The following DLGAP2 variants were observed in gnomAD, a reference collection of about 807,000 sequenced individuals.
DLGAP2 encodes disks large-associated protein 2.
In DLGAP2, 26 loss-of-function variants were observed where a neutral mutation model predicts 100.3. The observed-to-expected ratio is 0.26, with a 90% CI of 0.19 to 0.36. DLGAP2 has a LOEUF of 0.36. Ranked by LOEUF, DLGAP2 falls within the 10% of genes least tolerant of loss-of-function variation. The probability of loss-of-function intolerance (pLI) is 1.00; values close to 1 mark genes in which losing one functional copy is unlikely to be tolerated. For missense variants in DLGAP2, 1,858 were observed against 1,453.2 expected, an observed-to-expected ratio of 1.28 and a Z score of -4.53; for synonymous variants, 886 against 630.1, an observed-to-expected ratio of 1.41 and a Z score of -6.08.
At chr8:1,305,294 C>T (rs912392537) in intron 3 of DLGAP2, among the ~76,000 whole-genome samples, 1 of 152,190 alleles carries the variant, frequency 6.6e-6, no homozygotes, top group Admixed American at 6.5e-5. Flanking sequence ...CCGCAGTTCT[C>T]TGTCTTCAGT....
chr8:1,584,402 C>A lies in DLGAP2; in HGVS notation c.1442+18508C>A, dbSNP rs149550414. ...CAGACTCCTCGTGCATGCCACACAC[C>A]TGCAACCTGCAGTTCTTCAGTTAAT... On this transcript the variant is annotated intron_variant, in intron 6 of 14. Coordinates refer to ENST00000637795, the MANE Select transcript of DLGAP2 (RefSeq NM_001346810.2). 2.5e-3 allele frequency among the ~76,000 whole-genome samples: 380 copies of A among 152,290 alleles called. 2 individuals carry two copies. Among genetic ancestry groups the A allele is most frequent in the South Asian group, 9.5e-3 (46 of 4,828 alleles).
intron 2 of DLGAP2, among the ~76,000 whole-genome samples, chr8:1,215,967 C>T (rs1470446882): frequency 2.0e-5 from 3 of 152,088 alleles, no homozygotes; most frequent in African/African-American, 7.2e-5. Flanking sequence ...CTGGAGACGT[C>T]CAGGTACCTC....
chr8:875,605 T>C (rs1797675340), intron 1 of DLGAP2, among the ~76,000 whole-genome samples: 1 of 152,332 alleles, frequency 6.6e-6, no homozygotes, highest in African/African-American at 2.4e-5. Flanking sequence ...GAACTGTGAG[T>C]CAATTAAACC....
intron 3 of DLGAP2, among the ~76,000 whole-genome samples, chr8:1,457,922 A>G (rs1320180623): frequency 1.4e-5 from 2 of 147,934 alleles, no homozygotes; most frequent in African/African-American, 5.0e-5. Flanking sequence ...TTAAACTATG[A>G]TGCAGGGAAA....
chr8:1,607,957 TG>T (rs1211158090), intron 6 of DLGAP2, among the ~76,000 whole-genome samples: 3 of 141,588 alleles, frequency 2.1e-5, no homozygotes, highest in African/African-American at 7.8e-5. Flanking sequence ...GCAGCGAGGC[TG>T]GGGGAGGGGC....
intron 1 of DLGAP2, among the ~76,000 whole-genome samples, chr8:748,726 C>T (rs965664745): frequency 6.6e-6 from 1 of 152,194 alleles, no homozygotes; most frequent in Admixed American, 6.5e-5. Context: ...CCCATCAGCA[C>T]CTGCCCGCTC....
At chr8:1,210,341 A>G (rs73540177) in intron 2 of DLGAP2, among the ~76,000 whole-genome samples, 5,558 of 131,372 alleles carry the variant, frequency 0.042, 349 homozygotes, top group African/African-American at 0.17. Flanking sequence ...CCAGGGCCAG[A>G]TGAAACCAGT....
At chr8:1,146,616 C>CGTGTGTGCATGCAT (rs909096157) in intron 2 of DLGAP2, among the ~76,000 whole-genome samples, 1 of 151,824 alleles carries the variant, frequency 6.6e-6, no homozygotes, top group Non-Finnish European at 1.5e-5. Flanking sequence ...TGTGCATGCA[C>CGTGTGTGCATGCAT]GTGTGTGCAT....
intron 3 of DLGAP2, among the ~76,000 whole-genome samples, chr8:1,332,558 T>G (rs1171166678): frequency 6.6e-6 from 1 of 152,166 alleles, no homozygotes; most frequent in African/African-American, 2.4e-5. Flanking sequence ...CACACACACT[T>G]GCTATGACGG....
chr8:1,391,350 A>G (rs1403952172), intron 3 of DLGAP2, among the ~76,000 whole-genome samples: 2 of 152,212 alleles, frequency 1.3e-5, no homozygotes, highest in African/African-American at 2.4e-5. Context: ...AGTACCCATG[A>G]GTCTGGATGC....
At chr8:1,473,056 A>T (rs1798843365) in intron 3 of DLGAP2, among the ~76,000 whole-genome samples, 1 of 152,046 alleles carries the variant, frequency 6.6e-6, no homozygotes, top group Non-Finnish European at 1.5e-5. Flanking sequence ...TCAGTCTCCC[A>T]GGCAGCTGGG....
chr8:1,087,553 CTT>C (rs34152210), intron 2 of DLGAP2, among the ~76,000 whole-genome samples: 136 of 146,514 alleles, frequency 9.3e-4, no homozygotes, highest in African/African-American at 2.2e-3. Context: ...CTCTCTCTCT[CTT>C]TTTTTTTTTT....
rs137889085 is a variant in DLGAP2 at position 1,381,849 on chromosome 8, G to A, written c.107-119517G>A. Among the ~76,000 whole-genome samples the A allele has an allele frequency of 1.3e-3, 199 of 150,768 alleles. 3 individuals carry two copies. The highest frequency in any genetic ancestry group is 4.3e-3 in the African/African-American group (178 of 41,064). On this transcript the variant is annotated intron_variant, in intron 3 of 14. Coordinates refer to ENST00000637795, the MANE Select transcript of DLGAP2 (RefSeq NM_001346810.2). ...TTTGTATCACATTTTCAAAGTGAGCGTAGCCATTCAGATAGGAATTCCATG... is the reference window on the plus strand; with the variant it reads ...TTTGTATCACATTTTCAAAGTGAGCATAGCCATTCAGATAGGAATTCCATG...
rs556790454 is a variant in DLGAP2 at position 1,107,245 on chromosome 8, A to C, written c.74-151606A>C. On this transcript the variant is annotated intron_variant, in intron 2 of 14. Coordinates refer to ENST00000637795, the MANE Select transcript of DLGAP2 (RefSeq NM_001346810.2). ...TGGTTTTCTCATCTGTAAAATGGAG[A>C]CAATAGCTCACAGAGAGGCTGGAGG... Among the ~76,000 whole-genome samples the C allele has an allele frequency of 4.5e-4, 68 of 152,264 alleles. No homozygotes were observed. In the South Asian group the frequency reaches 7.3e-3, roughly 16 times the overall value.
chr8:840,523 ACGCCTG>A (rs1796962098), intron 1 of DLGAP2, among the ~76,000 whole-genome samples: 1 of 102,724 alleles, frequency 9.7e-6, no homozygotes, highest in Non-Finnish European at 2.0e-5. Flanking sequence ...CACACGGTGC[ACGCCTG>A]CACGTCTCCC....
intron 6 of DLGAP2, among the ~76,000 whole-genome samples, chr8:1,597,422 G>C (rs1388056490): frequency 6.6e-6 from 1 of 151,526 alleles, no homozygotes; most frequent in African/African-American, 2.4e-5. Context: ...ATGGGAGCTT[G>C]ATGGGGATAG....
chr8:1,691,319 G>C (rs891173588), intron 12 of DLGAP2, among the ~76,000 whole-genome samples: 1 of 152,180 alleles, frequency 6.6e-6, no homozygotes, highest in African/African-American at 2.4e-5. Context: ...CAAGGAGAAT[G>C]TCCTCACAGT....
intron 3 of DLGAP2, among the ~76,000 whole-genome samples, chr8:1,425,219 T>A (rs1358403378): frequency 4.6e-5 from 7 of 152,182 alleles, no homozygotes; most frequent in Admixed American, 3.9e-4. Flanking sequence ...ATTCAATCTT[T>A]TAACTCGTTT....
At chr8:965,266 CCCCCGCGTGCACACGGCACTGTT>C in intron 2 of DLGAP2, among the ~76,000 whole-genome samples, 2 of 145,214 alleles carry the variant, frequency 1.4e-5, no homozygotes, top group African/African-American at 5.2e-5. Flanking sequence ...CTGAGCCCAA[CCCCCGCGTGCACACGGCACTGTT>C]CACCACACAG....
Sources: allele counts gnomAD v4.1 joint callset (sites outside exome capture counted in the v4.1 genomes callset), GRCh38; gene constraint gnomAD v4.1.1; transcripts MANE v1.5; gene names NCBI Gene and HGNC (gene_info 2026-07-23, HGNC 2026-07-21).